Variants in GALNT11 observed in about 807,000 individuals in gnomAD.
The protein encoded by GALNT11 is polypeptide N-acetylgalactosaminyltransferase 11, also known as UDP-GalNAc:polypeptide N-acetylgalactosaminyltransferase 11.
GALNT11 carries 47 observed loss-of-function variants against 72.7 expected under a neutral mutation model. The ratio of observed to expected loss-of-function variants is 0.65; its 90% CI spans 0.51 to 0.82. The LOEUF is 0.82. Ranked by LOEUF, GALNT11 falls within the 40% of genes least tolerant of loss-of-function variation. The pLI is 0.00. For synonymous variants in GALNT11, 270 were observed against 286.6 expected, an observed-to-expected ratio of 0.94 and a Z score of 0.58; for missense variants, 677 against 778.4, an observed-to-expected ratio of 0.87 and a Z score of 1.55.
At chr7:152,034,655 C>T (rs950232568) in intron 1 of GALNT11, among the ~76,000 whole-genome samples, 2 of 152,058 alleles carry the variant, frequency 1.3e-5, no homozygotes, top group South Asian at 2.1e-4. Flanking sequence ...CCCTGCTGAT[C>T]GGAATAGTTG....
chr7:152,043,676 G>A (rs1004354909), intron 1 of GALNT11, among the ~76,000 whole-genome samples: 5 of 152,038 alleles, frequency 3.3e-5, no homozygotes, highest in Non-Finnish European at 5.9e-5. Context: ...ACTACTTTTC[G>A]CCCAGTGTCA....
chr7:152,066,091 T>G (rs1447006293), intron 1 of GALNT11, among the ~76,000 whole-genome samples: 2 of 152,200 alleles, frequency 1.3e-5, no homozygotes, highest in Non-Finnish European at 2.9e-5. Context: ...TCCACCCAGT[T>G]TGAGCTTCCT....
chr7:152,103,400 A>T, intron 4 of GALNT11, 122 bp downstream of exon 4: 3 of 920,326 alleles, frequency 3.3e-6, no homozygotes, highest in Non-Finnish European at 4.8e-6. Flanking sequence ...GTGCAGTCAC[A>T]GCTGGGCTGA....
intron 1 of GALNT11, among the ~76,000 whole-genome samples, chr7:152,070,351 T>C (rs569888133): frequency 6.6e-6 from 1 of 152,282 alleles, no homozygotes; most frequent in South Asian, 2.1e-4. Flanking sequence ...TCCTCTCTTA[T>C]CTTGTATGAG....
chr7:152,072,583 C>T (rs1446617381), intron 1 of GALNT11, among the ~76,000 whole-genome samples: 11 of 152,334 alleles, frequency 7.2e-5, no homozygotes, highest in East Asian at 5.8e-4. Flanking sequence ...TCAAATTATT[C>T]GTGCTGAATG....
intron 1 of GALNT11, among the ~76,000 whole-genome samples, chr7:152,061,464 A>G (rs1170059542): frequency 6.6e-6 from 1 of 152,162 alleles, no homozygotes; most frequent in Admixed American, 6.5e-5. Flanking sequence ...GCTGTGCAGA[A>G]GCTCTTTAGT....
At chr7:152,028,947 A>C (rs2082174829) in intron 1 of GALNT11, among the ~76,000 whole-genome samples, 1 of 152,206 alleles carries the variant, frequency 6.6e-6, no homozygotes, top group African/African-American at 2.4e-5. Flanking sequence ...AAGGAGGTTA[A>C]AAATACAGGG....
Position 152,103,335 on chromosome 7 carries a change from G to A in GALNT11, c.586+57G>A, listed in dbSNP as rs776256764. The A allele has an allele frequency of 3.2e-6, 5 of 1,552,084 alleles. No homozygotes were observed. In the African/African-American group the frequency reaches 6.8e-5, roughly 21 times the overall value. ...CCAGGCTGTCAGTCACTACAGCACT[G>A]ACAAACACTAACACAGCTGAACTTT... On this transcript the variant is annotated intron_variant, in intron 4 of 11. Coordinates refer to ENST00000430044, the MANE Select transcript of GALNT11 (RefSeq NM_022087.4).
At chr7:152,120,494 C>T (rs1415101376) in intron 10 of GALNT11, 1 of 225,044 alleles carries the variant, frequency 4.4e-6, no homozygotes, top group Non-Finnish European at 8.7e-6. Context: ...GAGGGTCAGC[C>T]AGAGGCTGTC....
intron 2 of GALNT11, among the ~76,000 whole-genome samples, chr7:152,099,548 TTTTTTTTTTTTG>T: frequency 7.5e-6 from 1 of 134,222 alleles, no homozygotes; most frequent in African/African-American, 2.9e-5. Flanking sequence ...TTTTTTTTTT[TTTTTTTTTTTTG>T]TATTTTTAGT....
intron 5 of GALNT11, among the ~76,000 whole-genome samples, chr7:152,107,081 C>G (rs1481088463): frequency 1.3e-5 from 2 of 152,124 alleles, no homozygotes; most frequent in Non-Finnish European, 2.9e-5. Context: ...GCTTTTATCA[C>G]TAGTTGAAGT....
intron 1 of GALNT11, among the ~76,000 whole-genome samples, chr7:152,077,850 C>T (rs1183655215): frequency 6.6e-6 from 1 of 151,946 alleles, no homozygotes; most frequent in African/African-American, 2.4e-5. Flanking sequence ...GTGGAATTAC[C>T]AGACAGACGC....
intron 1 of GALNT11, among the ~76,000 whole-genome samples, chr7:152,026,234 T>A (rs2082006886): frequency 6.6e-6 from 1 of 152,184 alleles, no homozygotes; most frequent in African/African-American, 2.4e-5. Context: ...CTTTTTAAAA[T>A]TAAAAGTGCC....
At chr7:152,083,215 T>C (rs1468300544) in intron 1 of GALNT11, among the ~76,000 whole-genome samples, 2 of 152,180 alleles carry the variant, frequency 1.3e-5, no homozygotes, top group African/African-American at 2.4e-5. Context: ...ATTCTGATCT[T>C]TTTTAGTCCT....
intron 1 of GALNT11, among the ~76,000 whole-genome samples, chr7:152,066,937 G>T (rs1446260725): frequency 6.6e-6 from 1 of 152,090 alleles, no homozygotes; most frequent in African/African-American, 2.4e-5. Flanking sequence ...ACGTAACACC[G>T]AAACACGAAG....
intron 2 of GALNT11, among the ~76,000 whole-genome samples, chr7:152,096,696 CAG>C (rs1364525178): frequency 1.7e-5 from 2 of 119,464 alleles, no homozygotes; most frequent in African/African-American, 6.7e-5. Context: ...GCCTGGGCGA[CAG>C]AGCAAGACTC....
intron 1 of GALNT11, among the ~76,000 whole-genome samples, chr7:152,065,361 A>G (rs1250675556): frequency 2.0e-5 from 3 of 152,132 alleles, no homozygotes; most frequent in Non-Finnish European, 4.4e-5. Context: ...TCTTTTTTCA[A>G]GGTTTTTAGC....
chr7:152,049,127 C>A (rs542742670), intron 1 of GALNT11, among the ~76,000 whole-genome samples: 14 of 151,986 alleles, frequency 9.2e-5, no homozygotes, highest in African/African-American at 2.9e-4. Context: ...TTGCTGATGC[C>A]TTATTTAGTT....
At chr7:152,119,016 C>T (rs1364993504) in intron 10 of GALNT11, 1 of 348,676 alleles carries the variant, frequency 2.9e-6, no homozygotes, top group Non-Finnish European at 5.1e-6. Context: ...CAACCTCCAG[C>T]ATAAATGGGT....
Sources: gnomAD v4.1 joint callset for allele counts (sites outside exome capture counted in the v4.1 genomes callset) on GRCh38, gnomAD v4.1.1 for gene constraint, MANE v1.5 for transcripts, NCBI Gene and HGNC (gene_info 2026-07-23, HGNC 2026-07-21) for gene names.